ERP44: variants seen among roughly 807,000 people sequenced by gnomAD.
The protein encoded by ERP44 is endoplasmic reticulum protein 44.
A neutral mutation model predicts 53.4 loss-of-function variants in ERP44; 25 were observed. The observed-to-expected ratio is 0.47, with a 90% CI of 0.34 to 0.65. The LOEUF (loss-of-function observed/expected upper bound fraction) is 0.65. ERP44 is among the 30% of genes least tolerant of loss of function. The pLI is 0.01. For synonymous variants in ERP44, 145 were observed against 161.2 expected (o/e 0.90, Z 0.76); for missense variants, 338 against 493.2 (o/e 0.69, Z 2.98).
chr9:100,045,894 G>A (rs1825961329), intron 4 of ERP44, among the ~76,000 whole-genome samples: 1 of 152,044 alleles, frequency 6.6e-6, no homozygotes, highest in South Asian at 2.1e-4. Context: ...AAAGAATACT[G>A]TAAGGAAATA....
At chr9:100,018,532 A>G (rs1587964315) in intron 6 of ERP44, among the ~76,000 whole-genome samples, 1 of 152,154 alleles carries the variant, frequency 6.6e-6, no homozygotes, top group East Asian at 1.9e-4. Flanking sequence ...TTAGATTGGG[A>G]GTTTTAGCAC....
At chr9:100,069,479 C>G (rs1192786859) in intron 1 of ERP44, among the ~76,000 whole-genome samples, 1 of 152,154 alleles carries the variant, frequency 6.6e-6, no homozygotes. Flanking sequence ...AAGGCTGTCT[C>G]TCCCTACTTG....
intron 1 of ERP44, among the ~76,000 whole-genome samples, chr9:100,067,629 G>A (rs1387482779): frequency 2.6e-5 from 4 of 152,164 alleles, no homozygotes; most frequent in Non-Finnish European, 5.9e-5. Context: ...TGGGAAGTGA[G>A]GAGCGTCTCT....
chr9:100,009,363 C>T (rs921479808), intron 8 of ERP44, among the ~76,000 whole-genome samples: 4 of 152,138 alleles, frequency 2.6e-5, no homozygotes, highest in East Asian at 1.9e-4. Flanking sequence ...CCATCCCCCT[C>T]GGCCTCCCAA....
In ERP44 at chr9:100,060,247, A is replaced by G. The variant is rs866062153; in HGVS notation, c.58-75T>C. On this transcript the variant is annotated intron_variant, in intron 1 of 11. Transcript: ENST00000262455. The stretch of plus-strand genomic sequence containing the variant: ...ATACGTAAAAGCGAAGTCTAAAAAT[A>G]AATGTGTGATTCCACTTGTTCCTTA... The G allele has an allele frequency of 3.0e-6, 4 of 1,319,682 alleles. No homozygotes were observed. The Middle Eastern group carries it at 7.8e-4, about 258-fold the overall frequency. The allele number at this position is 1,319,682 out of a possible 1,614,324, so 81.7% of individuals were successfully genotyped here.
chr9:100,036,700 G>A (rs1045760010), intron 4 of ERP44, among the ~76,000 whole-genome samples: 29 of 152,212 alleles, frequency 1.9e-4, no homozygotes, highest in Non-Finnish European at 3.8e-4. Context: ...CCTGTCATTT[G>A]TGGCAACATA....
Position 99,986,222 on chromosome 9 carries a change from ATCTG to A in ERP44, c.1017-1157_1017-1154del, listed in dbSNP as rs532475819. 9.9e-5 allele frequency among the ~76,000 whole-genome samples: 15 copies of A among 152,226 alleles called. No individual in the cohort carries two copies. In the South Asian group the frequency reaches 1.2e-3, roughly 13 times the overall value. On this transcript the variant is annotated intron_variant, in intron 10 of 11. Transcript: ENST00000262455. ...TATAAAACATCAGTTGGTTTTTACT[ATCTG>A]TCTACCTGTTTGTTCTTTAAAGTCT...
At chr9:100,018,698 A>G (rs1304502347) in intron 6 of ERP44, among the ~76,000 whole-genome samples, 1 of 152,172 alleles carries the variant, frequency 6.6e-6, no homozygotes, top group Non-Finnish European at 1.5e-5. Flanking sequence ...TTATTTGTCC[A>G]TTGTTGTTTC....
intron 1 of ERP44, among the ~76,000 whole-genome samples, chr9:100,081,146 G>C (rs1826418174): frequency 6.6e-6 from 1 of 151,940 alleles, no homozygotes; most frequent in African/African-American, 2.4e-5. Flanking sequence ...GTAGGTCACA[G>C]AGTAAAACCC....
At chr9:100,067,142 C>CCGCTCT (rs1015995698) in intron 1 of ERP44, among the ~76,000 whole-genome samples, 9 of 152,094 alleles carry the variant, frequency 5.9e-5, no homozygotes, top group East Asian at 5.8e-4. Flanking sequence ...AACCAAACAA[C>CCGCTCT]CGCTCTCGCT....
rs192758636 is a variant in ERP44 at position 100,041,907 on chromosome 9, A to C, written c.286+10510T>G. Among the ~76,000 whole-genome samples, 131 of 152,350 alleles carry C rather than the reference A, an allele frequency of 8.6e-4. 1 individual carries two copies. The Middle Eastern group carries it at 0.01, about 12-fold the overall frequency. On this transcript the variant is annotated intron_variant, in intron 4 of 11. Coordinates refer to ENST00000262455, the MANE Select transcript of ERP44 (RefSeq NM_015051.3). ...CTTGCCATACACAAAAAATCAAATC[A>C]AAATGGATTAACGACTTAAATCTCA...
chr9:100,080,564 A>G (rs534891567), intron 1 of ERP44, among the ~76,000 whole-genome samples: 3 of 152,252 alleles, frequency 2.0e-5, no homozygotes, highest in South Asian at 4.1e-4. Context: ...TCTAGTATAA[A>G]AAGTACATAA....
intron 4 of ERP44, among the ~76,000 whole-genome samples, chr9:100,026,986 G>A (rs1314818564): frequency 3.3e-5 from 5 of 152,174 alleles, no homozygotes; most frequent in East Asian, 1.9e-4. Flanking sequence ...ATTAGGGGGC[G>A]CAATGAGAAA....
At chr9:100,050,626 A>G (rs947048458) in intron 4 of ERP44, among the ~76,000 whole-genome samples, 1 of 152,244 alleles carries the variant, frequency 6.6e-6, no homozygotes, top group Non-Finnish European at 1.5e-5. Context: ...TAAGGGTTTC[A>G]TAACAATCAT....
intron 3 of ERP44, among the ~76,000 whole-genome samples, chr9:100,056,831 A>G (rs1217271406): frequency 6.6e-6 from 1 of 152,170 alleles, no homozygotes; most frequent in African/African-American, 2.4e-5. Context: ...GAGGCCAGAC[A>G]TAACAGCTAC....
At chr9:100,047,083 T>A (rs146512479) in intron 4 of ERP44, among the ~76,000 whole-genome samples, 1 of 152,298 alleles carries the variant, frequency 6.6e-6, no homozygotes, top group Non-Finnish European at 1.5e-5. Flanking sequence ...CTATGCCACA[T>A]GTAAAAATTA....
rs990141812 is a variant in ERP44, at chr9:100,018,288, T to C, written c.613A>G (p.Ser205Gly). The C allele has an allele frequency of 5.6e-6, 9 of 1,607,474 alleles. No individual in the cohort carries two copies. The highest frequency in any genetic ancestry group is 1.3e-5 in the African/African-American group (1 of 74,786). Residue 205 changes from serine to glycine, a missense_variant, in exon 7 of 12, where the codon AGT (serine) becomes GGT (glycine). Ser to Gly is a moderately conservative substitution (Grantham distance 56). Coordinates refer to ENST00000262455, the MANE Select transcript of ERP44 (RefSeq NM_015051.3). The part of the protein sequence containing the change: ...FGDVSKPERY[S>G]GDNIIYKPPG... ...GGTTTGTAGATTATGTTGTCGCCAC[T>C]ATATCTTTCCGGTTTTGAAACATCC...
intron 4 of ERP44, among the ~76,000 whole-genome samples, chr9:100,033,716 G>A (rs1483027541): frequency 6.6e-6 from 1 of 152,168 alleles, no homozygotes; most frequent in Non-Finnish European, 1.5e-5. Context: ...TATTGAGACT[G>A]ACTCTGCTTA....
intron 4 of ERP44, among the ~76,000 whole-genome samples, chr9:100,022,531 T>C (rs572548116): frequency 7.2e-5 from 11 of 152,316 alleles, no homozygotes; most frequent in Non-Finnish European, 1.6e-4. Context: ...CCACATAAGA[T>C]TGTCTTAAGT....
Sources: gnomAD v4.1 joint callset for allele counts (sites outside exome capture counted in the v4.1 genomes callset) on GRCh38, gnomAD v4.1.1 for gene constraint, MANE v1.5 for transcripts, NCBI Gene and HGNC (gene_info 2026-07-23, HGNC 2026-07-21) for gene names.